Variants in MPP7 observed in about 807,000 individuals in gnomAD.
MPP7 encodes MAGUK p55 scaffold protein 7.
A neutral mutation model predicts 76.5 loss-of-function variants in MPP7; 60 were observed. The ratio of observed to expected loss-of-function variants is 0.78; its 90% CI spans 0.64 to 0.97. The LOEUF (loss-of-function observed/expected upper bound fraction) is 0.97. MPP7 is among the 50% of genes least tolerant of loss of function. The probability of loss-of-function intolerance (pLI) is 0.00; values close to 1 mark genes in which losing one functional copy is unlikely to be tolerated. For missense variants in MPP7, 641 were observed against 694.0 expected (o/e 0.92, Z 0.86); for synonymous variants, 237 against 244.5 (o/e 0.97, Z 0.29).
intron 11 of MPP7, among the ~76,000 whole-genome samples, chr10:28,097,838 G>T (rs977930142): frequency 2.3e-4 from 35 of 152,162 alleles, no homozygotes; most frequent in African/African-American, 8.4e-4. Context: ...ACCACTAGGG[G>T]ACAAAAAACT....
At chr10:28,273,043 A>C (rs1840377963) in intron 1 of MPP7, among the ~76,000 whole-genome samples, 1 of 152,022 alleles carries the variant, frequency 6.6e-6, no homozygotes, top group Admixed American at 6.6e-5. Context: ...CAGCCTCCCC[A>C]GTAGCTGGGA....
intron 2 of MPP7, among the ~76,000 whole-genome samples, chr10:28,218,860 T>C (rs937242507): frequency 3.3e-5 from 5 of 152,204 alleles, no homozygotes; most frequent in Admixed American, 2.0e-4. Flanking sequence ...TAGGGCCGAT[T>C]AGAATCTCAA....
chr10:28,058,608 AAAAAAT>A lies in MPP7; in HGVS notation c.1299-11_1299-6del, dbSNP rs750418450. On this transcript the variant is annotated splice_region_variant and splice_polypyrimidine_tract_variant and intron_variant, in intron 14 of 16. Coordinates refer to ENST00000683449, the MANE Select transcript of MPP7 (RefSeq NM_001318170.2). ...TATTCTCCATATTCAATAAACCTGTAAAAAATTAAATGCATTGGAATCATTTGTGAA... is the reference window on the plus strand; with the variant it reads ...TATTCTCCATATTCAATAAACCTGTATAAATGCATTGGAATCATTTGTGAA... 6.8e-7 allele frequency: 1 copy of A among 1,463,748 alleles called. No homozygotes were observed. Among genetic ancestry groups the A allele is most frequent in the South Asian group, 1.3e-5 (1 of 79,356 alleles). The allele number at this position is 1,463,748 out of a possible 1,614,324, so 90.7% of individuals were successfully genotyped here.
At chr10:28,333,233 C>A (rs1443622988) in intron 1 of MPP7, among the ~76,000 whole-genome samples, 1 of 152,194 alleles carries the variant, frequency 6.6e-6, no homozygotes, top group Non-Finnish European at 1.5e-5. Flanking sequence ...CAACCTCCGC[C>A]TCCCTGGTTC....
At chr10:28,090,053 T>A (rs972463142) in intron 11 of MPP7, among the ~76,000 whole-genome samples, 2 of 152,130 alleles carry the variant, frequency 1.3e-5, no homozygotes, top group African/African-American at 4.8e-5. Flanking sequence ...GTTGAACTCC[T>A]GGGCTCAAGC....
chr10:28,315,224 G>T (rs1024815783), intron 2 of MPP7, among the ~76,000 whole-genome samples: 1 of 147,208 alleles, frequency 6.8e-6, no homozygotes, highest in African/African-American at 2.5e-5. Flanking sequence ...AGGAAGGAAG[G>T]GAGGGAGGGA....
chr10:28,276,943 A>G (rs1032557141), intron 1 of MPP7, among the ~76,000 whole-genome samples: 1 of 152,070 alleles, frequency 6.6e-6, no homozygotes, highest in African/African-American at 2.4e-5. Flanking sequence ...CTATAATCCC[A>G]GCACTTTGGG....
intron 1 of MPP7, among the ~76,000 whole-genome samples, chr10:28,292,420 T>C (rs76370156): frequency 0.015 from 2,280 of 151,902 alleles, 36 homozygotes; most frequent in East Asian, 0.071. Flanking sequence ...CTAGGGTCTC[T>C]TACTGTAACA....
intron 3 of MPP7, among the ~76,000 whole-genome samples, chr10:28,151,271 C>A (rs1166841593): frequency 1.3e-5 from 2 of 152,116 alleles, no homozygotes; most frequent in Non-Finnish European, 2.9e-5. Flanking sequence ...ATCAGAGCCA[C>A]ATTTTTACTT....
intron 1 of MPP7, among the ~76,000 whole-genome samples, chr10:28,241,222 C>A (rs1229519467): frequency 6.6e-6 from 1 of 152,036 alleles, no homozygotes; most frequent in Non-Finnish European, 1.5e-5. Context: ...ATCAAAATAT[C>A]CTTTTGAGCT....
At position 28,202,200 on chromosome 10, in the gene MPP7, AG is replaced by A. The variant is rs1837795426; in HGVS notation, c.108del (p.Phe37SerfsTer15). On this transcript the variant is annotated frameshift_variant, in exon 3 of 17. Transcript: ENST00000683449. LOFTEE classifies it high-confidence loss of function. ...TTTTCACCAAACATATCCCAGAGGA[AG>A]GTCAGGTCTTCCTGGCTATCCACAT... ...QPHVDSQEDL[T>X]FLWDMFGEKS... 4 of 1,613,738 alleles carry A rather than the reference AG, an allele frequency of 2.5e-6. No homozygotes were observed. The highest frequency in any genetic ancestry group is 3.4e-6 in the Non-Finnish European group (4 of 1,179,776).
intron 13 of MPP7, 113 bp downstream of exon 13, chr10:28,069,659 C>A: frequency 1.4e-6 from 1 of 734,960 alleles, no homozygotes; most frequent in Non-Finnish European, 2.1e-6. Flanking sequence ...CATATACCTA[C>A]CATGTACCCA....
rs926079370 is a variant in MPP7, at chr10:28,297,702, A to T, written c.-132+5159T>A. On this transcript the variant is annotated intron_variant, in intron 1 of 16. Coordinates refer to ENST00000683449, the MANE Select transcript of MPP7 (RefSeq NM_001318170.2). ...CAACAGAGCGAGACTCCGTCTCAAA[A>T]AAATAAAAAAAATGAAGTTTGCCAC... is the stretch of plus-strand genomic sequence containing the variant. 2.6e-4 allele frequency among the ~76,000 whole-genome samples: 39 copies of T among 152,086 alleles called. 1 individual carries two copies. Among genetic ancestry groups the T allele is most frequent in the South Asian group, 1.7e-3 (8 of 4,834 alleles).
chr10:28,316,223 G>T (rs12098255), intron 2 of MPP7, among the ~76,000 whole-genome samples: 2,846 of 151,958 alleles, frequency 0.019, 80 homozygotes, highest in African/African-American at 0.065. Context: ...GATCACTTGA[G>T]GTCAGACATT....
intron 1 of MPP7, among the ~76,000 whole-genome samples, chr10:28,268,062 C>CA (rs1250996079): frequency 1.3e-5 from 2 of 151,938 alleles, no homozygotes; most frequent in East Asian, 3.9e-4. Flanking sequence ...AACAAACAAA[C>CA]AAACAAAAAT....
intron 3 of MPP7, among the ~76,000 whole-genome samples, chr10:28,171,656 C>T (rs1162683463): frequency 1.3e-5 from 2 of 152,028 alleles, no homozygotes; most frequent in Non-Finnish European, 2.9e-5. Context: ...TTAAGTGTAC[C>T]GTATTTGAAA....
At chr10:28,295,514 C>T (rs1426047978) in intron 1 of MPP7, among the ~76,000 whole-genome samples, 1 of 152,114 alleles carries the variant, frequency 6.6e-6, no homozygotes, top group Non-Finnish European at 1.5e-5. Flanking sequence ...GGCTCAACTC[C>T]AAATTTTTAC....
At chr10:28,272,257 T>C (rs1564748496) in intron 1 of MPP7, among the ~76,000 whole-genome samples, 1 of 152,200 alleles carries the variant, frequency 6.6e-6, no homozygotes, top group South Asian at 2.1e-4. Context: ...TTTCTTCCTG[T>C]TACATAAAAC....
chr10:28,147,315 T>C (rs1835740532), intron 5 of MPP7, among the ~76,000 whole-genome samples, 168 bp downstream of exon 5: 1 of 152,220 alleles, frequency 6.6e-6, no homozygotes, highest in Non-Finnish European at 1.5e-5. Context: ...CATCACATTA[T>C]AATCAAAAGC....
Sources: gnomAD v4.1 joint callset for allele counts (sites outside exome capture counted in the v4.1 genomes callset) on GRCh38, gnomAD v4.1.1 for gene constraint, MANE v1.5 for transcripts, NCBI Gene and HGNC (gene_info 2026-07-23, HGNC 2026-07-21) for gene names.